Variants in NAV2 observed in about 807,000 individuals in gnomAD.
NAV2 encodes helicase, APC down-regulated 1.
A neutral mutation model predicts 223.2 loss-of-function variants in NAV2; 54 were observed. The ratio of observed to expected loss-of-function variants is 0.24; its 90% CI spans 0.19 to 0.30. The LOEUF (loss-of-function observed/expected upper bound fraction) is 0.30, where lower values mean the gene tolerates loss of function less well. Among genes scored for constraint, NAV2 ranks in the 10% least tolerant of loss-of-function variants. The pLI is 1.00. For synonymous variants in NAV2, 1,279 were observed against 1,239.3 expected (o/e 1.03, Z -0.67); for missense variants, 2,806 against 3,147.5 (o/e 0.89, Z 2.60).
At chr11:19,826,148 T>G (rs986090996) in intron 1 of NAV2, among the ~76,000 whole-genome samples, 1 of 152,120 alleles carries the variant, frequency 6.6e-6, no homozygotes, top group African/African-American at 2.4e-5. Context: ...GAATTGGAAT[T>G]GGGGATGGGA....
At chr11:19,367,256 T>C (rs532533261) in intron 1 of NAV2, among the ~76,000 whole-genome samples, 45 of 152,318 alleles carry the variant, frequency 3.0e-4, no homozygotes, top group African/African-American at 1.0e-3. Flanking sequence ...AGTTGCCTCT[T>C]CTGAGAAACC....
intron 11 of NAV2, among the ~76,000 whole-genome samples, chr11:19,989,092 T>C (rs2051079677): frequency 6.6e-6 from 1 of 152,168 alleles, no homozygotes. Flanking sequence ...ATTCTAAGCC[T>C]GTGGTAGGTG....
At chr11:19,770,366 C>T (rs1009503079) in intron 1 of NAV2, among the ~76,000 whole-genome samples, 8 of 152,084 alleles carry the variant, frequency 5.3e-5, no homozygotes, top group African/African-American at 1.2e-4. Flanking sequence ...TCCCCATGCC[C>T]TGACCCTAGA....
At chr11:20,044,928 C>T (rs991350244) in intron 13 of NAV2, 40 bp from the exon 14 acceptor site, 4 of 1,530,270 alleles carry the variant, frequency 2.6e-6, no homozygotes, top group Admixed American at 3.8e-5. Context: ...GATGAGCTGG[C>T]TCTTGGCTTG....
intron 1 of NAV2, among the ~76,000 whole-genome samples, chr11:19,539,201 T>G (rs1243021014): frequency 2.0e-5 from 3 of 152,208 alleles, no homozygotes; most frequent in African/African-American, 4.8e-5. Context: ...GTCTTCAAAC[T>G]GGGGGTAGAT....
rs545632204 is a variant in NAV2 at position 19,837,008 on chromosome 11, A to C, written c.385+4407A>C. Among the ~76,000 whole-genome samples, 5 of 152,278 alleles carry C rather than the reference A, an allele frequency of 3.3e-5. No individual in the cohort carries two copies. In the South Asian group the frequency reaches 1.0e-3, roughly 32 times the overall value. ...TATCTCCCAAAGGCCCCATCTCCAA[A>C]CACCATTACATTAGGGATTAAACCT... On this transcript the variant is annotated intron_variant, in intron 2 of 37. Coordinates refer to ENST00000349880, the MANE Select transcript of NAV2 (RefSeq NM_145117.5).
intron 1 of NAV2, among the ~76,000 whole-genome samples, chr11:19,566,789 G>C (rs573698674): frequency 6.6e-6 from 1 of 152,270 alleles, no homozygotes; most frequent in African/African-American, 2.4e-5. Flanking sequence ...CCAGCATCCA[G>C]GGAAACTAAG....
At chr11:19,967,178 C>T (rs913853502) in intron 10 of NAV2, among the ~76,000 whole-genome samples, 7 of 152,156 alleles carry the variant, frequency 4.6e-5, no homozygotes, top group African/African-American at 1.7e-4. Flanking sequence ...TTTCAGGAAG[C>T]TTGAGAGCCA....
At chr11:20,051,182 T>C (rs1564934205) in intron 16 of NAV2, 107 bp from the exon 17 acceptor site, 2 of 867,440 alleles carry the variant, frequency 2.3e-6, no homozygotes, top group Non-Finnish European at 3.9e-6. Context: ...TTCCTGGTGA[T>C]GTGCACCTCT....
intron 1 of NAV2, among the ~76,000 whole-genome samples, chr11:19,586,669 C>A (rs996304092): frequency 1.3e-5 from 2 of 152,210 alleles, no homozygotes; most frequent in Non-Finnish European, 2.9e-5. Flanking sequence ...GCCTGGGTAT[C>A]AGCAGCAGAG....
intron 19 of NAV2, among the ~76,000 whole-genome samples, chr11:20,060,257 AGT>A (rs1478317515): frequency 6.6e-6 from 1 of 152,250 alleles, no homozygotes; most frequent in Non-Finnish European, 1.5e-5. Flanking sequence ...CAGTCATGCA[AGT>A]GTGTGTGGCT....
rs374226697 is a variant in NAV2, at chr11:19,949,058, C to T, written c.2623C>T (p.Arg875Trp). The change falls in exon 10 of 38, where the codon CGG becomes TGG. Residue 875 changes from arginine (R) to tryptophan (W), a missense_variant. Transcript: ENST00000349880. ...SDGDVLSKNI[R>W]TDDITSGYMT... ...CGGGGATGTTCTGAGCAAGAACATC[C>T]GGACCGATGACATTACAAGCGGGTA... is the stretch of plus-strand genomic sequence containing the variant. The T allele has an allele frequency of 2.0e-5, 32 of 1,609,314 alleles. No individual in the cohort carries two copies. The highest frequency in any genetic ancestry group is 1.7e-4 in the Middle Eastern group (1 of 6,022).
intron 5 of NAV2, 72 bp from the exon 6 acceptor site, chr11:19,892,362 G>C: frequency 6.9e-7 from 1 of 1,439,974 alleles, no homozygotes. Flanking sequence ...CTGCATGGTT[G>C]CAGTTCCTTC....
chr11:19,915,093 A>G (rs1169487722), intron 6 of NAV2, among the ~76,000 whole-genome samples: 2 of 152,222 alleles, frequency 1.3e-5, no homozygotes, highest in Non-Finnish European at 2.9e-5. Flanking sequence ...TAGCCTGTCC[A>G]AGGTTAGTCA....
chr11:19,513,614 C>T (rs1463600710), intron 1 of NAV2, among the ~76,000 whole-genome samples: 6 of 152,174 alleles, frequency 3.9e-5, no homozygotes, highest in East Asian at 1.9e-4. Flanking sequence ...CCATTATTTT[C>T]GTTTCTTTTG....
chr11:19,547,514 A>G (rs1248767477), intron 1 of NAV2, among the ~76,000 whole-genome samples: 1 of 152,144 alleles, frequency 6.6e-6, no homozygotes, highest in Middle Eastern at 3.2e-3. Flanking sequence ...AGGAGCCTGA[A>G]GTACATCCTC....
chr11:19,983,222 T>C (rs1312129675), intron 10 of NAV2, among the ~76,000 whole-genome samples: 1 of 152,174 alleles, frequency 6.6e-6, no homozygotes, highest in Non-Finnish European at 1.5e-5. Context: ...ACAGCTGCCT[T>C]GGACTGAGCT....
intron 1 of NAV2, among the ~76,000 whole-genome samples, chr11:19,482,648 G>A (rs1021523834): frequency 6.6e-6 from 1 of 152,202 alleles, no homozygotes; most frequent in East Asian, 1.9e-4. Context: ...CAAGGCTGTT[G>A]TCATAGGCTG....
intron 10 of NAV2, among the ~76,000 whole-genome samples, chr11:19,977,718 A>G (rs1399373788): frequency 7.1e-6 from 1 of 141,506 alleles, no homozygotes; most frequent in African/African-American, 2.6e-5. Context: ...TTCCAGTCAT[A>G]TTTTTGCATT....
Sources: allele counts gnomAD v4.1 joint callset (sites outside exome capture counted in the v4.1 genomes callset), GRCh38; gene constraint gnomAD v4.1.1; transcripts MANE v1.5; gene names NCBI Gene and HGNC (gene_info 2026-07-23, HGNC 2026-07-21).